MYB: variants seen among roughly 807,000 people sequenced by gnomAD.
MYB encodes transcriptional activator Myb.
A neutral mutation model predicts 92.9 loss-of-function variants in MYB; 28 were observed. That is an observed-to-expected ratio of 0.30 (90% CI 0.22 to 0.41). MYB has a LOEUF of 0.41. Ranked by LOEUF, MYB falls within the 10% of genes least tolerant of loss-of-function variation. The pLI is 1.00. For missense variants in MYB, 679 were observed against 929.3 expected, an observed-to-expected ratio of 0.73 and a Z score of 3.50; for synonymous variants, 295 against 329.1, an observed-to-expected ratio of 0.90 and a Z score of 1.12.
In MYB at chr6:135,203,948, C is replaced by A. The variant is rs1036272231; in HGVS notation, c.2169+624C>A. On this transcript the variant is annotated intron_variant, in intron 15 of 15. Coordinates refer to ENST00000341911, the MANE Select transcript of MYB (RefSeq NM_001130173.2). ...TAACCAATTCCAAATTAATCCTGAGCCAAATGTAAATAAGAATGCAAATTT... is the reference window on the plus strand; with the variant it reads ...TAACCAATTCCAAATTAATCCTGAGACAAATGTAAATAAGAATGCAAATTT... 4 of 1,086,592 alleles carry A rather than the reference C, an allele frequency of 3.7e-6. No individual in the cohort carries two copies. In the African/African-American group the frequency reaches 5.1e-5, roughly 14 times the overall value. The allele number at this position is 1,086,592 out of a possible 1,614,324, so 67.3% of individuals were successfully genotyped here. A position where few individuals can be genotyped will look rare whatever the true frequency, so the allele number is the denominator to read the frequency against.
At chr6:135,207,290 G>A (rs1207288246) in intron 15 of MYB, among the ~76,000 whole-genome samples, 3 of 152,076 alleles carry the variant, frequency 2.0e-5, no homozygotes, top group African/African-American at 4.8e-5. Context: ...CAGCAAAATA[G>A]GAGTTTCAAA....
chr6:135,193,225 A>T (rs886098734), intron 6 of MYB, among the ~76,000 whole-genome samples: 2 of 152,174 alleles, frequency 1.3e-5, no homozygotes, highest in Non-Finnish European at 2.9e-5. Flanking sequence ...GAAAAAGAAG[A>T]AGAAAGAGGA....
chr6:135,204,335 G>A (rs1023284544), intron 15 of MYB, among the ~76,000 whole-genome samples: 4 of 152,200 alleles, frequency 2.6e-5, no homozygotes, highest in African/African-American at 7.2e-5. Context: ...GTCTTACCCG[G>A]TGGCCCAGGC....
intron 15 of MYB, among the ~76,000 whole-genome samples, 172 bp from the exon 16 acceptor site, chr6:135,217,692 T>C (rs1780642136): frequency 6.6e-6 from 1 of 152,196 alleles, no homozygotes; most frequent in African/African-American, 2.4e-5. Flanking sequence ...TTTCTGATCA[T>C]CCATATCCCT....
intron 15 of MYB, among the ~76,000 whole-genome samples, chr6:135,206,077 G>A (rs956854139): frequency 8.6e-5 from 13 of 151,490 alleles, no homozygotes; most frequent in African/African-American, 2.9e-4. Flanking sequence ...GTAGTGGCGG[G>A]CACCTGTAGT....
At chr6:135,183,106 C>G (rs375281718) in intron 1 of MYB, among the ~76,000 whole-genome samples, 7 of 150,236 alleles carry the variant, frequency 4.7e-5, no homozygotes, top group South Asian at 2.1e-4. Flanking sequence ...CTCCGCGCCC[C>G]GAGGTCTCGG....
At chr6:135,215,774 CTGT>C (rs1780348586) in intron 15 of MYB, among the ~76,000 whole-genome samples, 1 of 152,068 alleles carries the variant, frequency 6.6e-6, no homozygotes, top group Non-Finnish European at 1.5e-5. Context: ...CTAATCTTAG[CTGT>C]TTTCACCCTT....
intron 11 of MYB, chr6:135,199,412 C>T (rs1777763583): frequency 1.3e-5 from 4 of 301,150 alleles, no homozygotes; most frequent in Non-Finnish European, 2.1e-5. Flanking sequence ...AGAATAAGAA[C>T]GAGTATGGTT....
Position 135,218,608 on chromosome 6 carries a change from G to A in MYB, c.*628G>A, listed in dbSNP as rs1046963813. ...TATTTTTATTCAGTAATTTAATTTT[G>A]TAAATGCCAAATGAAAAACGTTTTT... On this transcript the variant is annotated 3_prime_UTR_variant, in exon 16 of 16. Coordinates refer to ENST00000341911, the MANE Select transcript of MYB (RefSeq NM_001130173.2). The A allele has an allele frequency of 5.4e-6, 1 of 184,814 alleles. No individual in the cohort carries two copies. Among genetic ancestry groups the A allele is most frequent in the Non-Finnish European group, 1.1e-5 (1 of 87,096 alleles). 11.4% of individuals were successfully genotyped at this position (184,814 alleles called of 1,614,324 possible).
chr6:135,192,758 G>A (rs571838579), intron 6 of MYB, among the ~76,000 whole-genome samples, 200 bp downstream of exon 6: 7 of 152,306 alleles, frequency 4.6e-5, no homozygotes, highest in African/African-American at 1.7e-4. Context: ...AACGAGGATG[G>A]TAAGCGCTTT....
Position 135,182,754 on chromosome 6 carries a change from G to T in MYB, c.23+1218G>T, listed in dbSNP as rs1158561295. On this transcript the variant is annotated intron_variant, in intron 1 of 15. Coordinates refer to ENST00000341911, the MANE Select transcript of MYB (RefSeq NM_001130173.2). The surrounding 1 kb of genome is among the most constrained non-coding windows in gnomAD (Gnocchi z 5.6). ...TACTGGTTTGTTGTTGAGCCTGCGG[G>T]CGCTGGTCCCCGCGCGGCGCTGGGA... Among the ~76,000 whole-genome samples the T allele has an allele frequency of 6.6e-6, 1 of 151,734 alleles. No individual in the cohort carries two copies. The highest frequency in any genetic ancestry group is 1.5e-5 in the Non-Finnish European group (1 of 67,902).
At chr6:135,217,325 C>T (rs1780588142) in intron 15 of MYB, among the ~76,000 whole-genome samples, 1 of 151,264 alleles carries the variant, frequency 6.6e-6, no homozygotes, top group South Asian at 2.1e-4. Flanking sequence ...GCTGTGATTG[C>T]ACCAATACCG....
rs769406691 is a variant in MYB at position 135,197,177 on chromosome 6, A to C, written c.1420A>C (p.Thr474Pro). The C allele has an allele frequency of 5.6e-6, 9 of 1,613,894 alleles. No individual in the cohort carries two copies. The South Asian group carries it at 9.9e-5, about 18-fold the overall frequency. ...PKVLPPARHS[T>P]IPLVILRKKR... ...GGTCTTACCTCCTGCAAGGCACAGC[A>C]CAATTCCACTGGTCATCCTTCGAAA... is the stretch of plus-strand genomic sequence containing the variant. Residue 474 changes from threonine to proline, a missense_variant, in exon 10 of 16, where the codon ACA (threonine) becomes CCA (proline). Thr to Pro is a conservative substitution (Grantham distance 38). Around this residue, in one of 8 missense-constraint regions of MYB, gnomAD observed 402 missense variants for 434.2 expected, o/e 0.93. Transcript: ENST00000341911.
At chr6:135,189,906 TG>T (rs772458825) in intron 4 of MYB, 23 bp downstream of exon 4, 6 of 1,586,158 alleles carry the variant, frequency 3.8e-6, no homozygotes, top group Non-Finnish European at 5.2e-6. Context: ...TTCATTGGTG[TG>T]TGACTCATAA....
rs1480740120 is a variant in MYB at position 135,190,367 on chromosome 6, T to C, written c.527+20T>C. On this transcript the variant is annotated intron_variant, in intron 5 of 15. Transcript: ENST00000341911. This position sits in a 1 kb window ranked among gnomAD's most constrained non-coding sequence, Gnocchi z 4.5. The stretch of plus-strand genomic sequence containing the variant: ...TGGACGGTAATAATATGTCAAAAAA[T>C]ATATTGATCGGGAAGAATGAGGGAG... 1 of 1,589,126 alleles carries C rather than the reference T, an allele frequency of 6.3e-7. No homozygotes were observed. Among genetic ancestry groups the C allele is most frequent in the African/African-American group, 1.3e-5 (1 of 74,290 alleles).
At chr6:135,192,267 CTT>C in intron 5 of MYB, 55 bp from the exon 6 acceptor site, 2 of 1,409,000 alleles carry the variant, frequency 1.4e-6, no homozygotes, top group Admixed American at 3.4e-5. Flanking sequence ...TGTCAATTCA[CTT>C]TAATCTGAAT....
chr6:135,187,071 A>G (rs1336893559), intron 2 of MYB, among the ~76,000 whole-genome samples: 1 of 152,202 alleles, frequency 6.6e-6, no homozygotes, highest in Non-Finnish European at 1.5e-5. Flanking sequence ...TTGTGTCTGT[A>G]TTGTACCAGG....
At chr6:135,213,245 A>G (rs1030257256) in intron 15 of MYB, among the ~76,000 whole-genome samples, 2 of 151,972 alleles carry the variant, frequency 1.3e-5, no homozygotes, top group East Asian at 3.9e-4. Context: ...GGGATATATG[A>G]CTCAGAAATG....
At chr6:135,203,382 T>TTGG (rs56247805) in intron 15 of MYB, 58 bp downstream of exon 15, 373,001 of 1,114,942 alleles carry the variant, frequency 0.33, 71,629 homozygotes, top group African/African-American at 0.56. Flanking sequence ...ACTGTCATCT[T>TTGG]TGGTGGTGGT....
Sources: gnomAD v4.1 joint callset for allele counts (sites outside exome capture counted in the v4.1 genomes callset) on GRCh38, gnomAD v4.1.1 for gene constraint, gnomAD v4.1.1 regional missense constraint, Gnocchi (gnomAD v3.1) non-coding constraint, MANE v1.5 for transcripts, NCBI Gene and HGNC (gene_info 2026-07-23, HGNC 2026-07-21) for gene names.